PCSK2: variants seen among roughly 807,000 people sequenced by gnomAD.
The protein encoded by PCSK2 is proprotein convertase subtilisin/kexin type 2.
Under a neutral mutation model 69.7 loss-of-function variants are expected in PCSK2, and 14 were observed. That is an observed-to-expected ratio of 0.20 (90% CI 0.13 to 0.31). The LOEUF is 0.31. Ranked by LOEUF, PCSK2 falls within the 10% of genes least tolerant of loss-of-function variation. The probability of loss-of-function intolerance (pLI) is 1.00; values close to 1 mark genes in which losing one functional copy is unlikely to be tolerated. For missense variants in PCSK2, 544 were observed against 842.5 expected (o/e 0.65, Z 4.39); for synonymous variants, 307 against 320.7 (o/e 0.96, Z 0.46).
At chr20:17,255,362 G>C (rs923270436) in intron 1 of PCSK2, among the ~76,000 whole-genome samples, 3 of 148,088 alleles carry the variant, frequency 2.0e-5, no homozygotes, top group Non-Finnish European at 4.4e-5. Context: ...TTTTTTTTGA[G>C]ACGGAGTCTC....
chr20:17,242,847 A>G (rs1366796798), intron 1 of PCSK2, among the ~76,000 whole-genome samples: 1 of 152,190 alleles, frequency 6.6e-6, no homozygotes, highest in Admixed American at 6.5e-5. Flanking sequence ...TAGTGAAATC[A>G]TATTTACTTT....
chr20:17,321,365 C>T (rs1328647634), intron 2 of PCSK2, among the ~76,000 whole-genome samples: 1 of 152,210 alleles, frequency 6.6e-6, no homozygotes, highest in Non-Finnish European at 1.5e-5. Flanking sequence ...TGTTGTCCTC[C>T]TTCTTCCCCA....
chr20:17,234,947 G>A (rs925006628), intron 1 of PCSK2, among the ~76,000 whole-genome samples: 86 of 151,996 alleles, frequency 5.7e-4, no homozygotes, highest in African/African-American at 2.0e-3. Flanking sequence ...TCACGGGACA[G>A]CTCAAAAACT....
At chr20:17,311,448 T>C (rs1237497026) in intron 2 of PCSK2, among the ~76,000 whole-genome samples, 2 of 152,102 alleles carry the variant, frequency 1.3e-5, no homozygotes, top group Admixed American at 6.6e-5. Context: ...GGGCAGGTGG[T>C]GGTATCACCT....
At chr20:17,339,841 T>G (rs749730877) in intron 2 of PCSK2, among the ~76,000 whole-genome samples, 13 of 152,234 alleles carry the variant, frequency 8.5e-5, no homozygotes, top group Admixed American at 2.0e-4. Flanking sequence ...GCCTCCTAAC[T>G]ATGCATAGAC....
chr20:17,230,785 T>C (rs1287177550), intron 1 of PCSK2, among the ~76,000 whole-genome samples: 2 of 152,246 alleles, frequency 1.3e-5, no homozygotes, highest in Non-Finnish European at 2.9e-5. Context: ...TTGTCAATTA[T>C]TTGATTGATT....
chr20:17,365,417 T>A (rs751127070), intron 4 of PCSK2, among the ~76,000 whole-genome samples: 23 of 151,974 alleles, frequency 1.5e-4, no homozygotes, highest in Non-Finnish European at 7.4e-5. Context: ...ACACAAACAC[T>A]CAAATCTCAG....
intron 2 of PCSK2, among the ~76,000 whole-genome samples, chr20:17,309,075 G>T (rs754261977): frequency 3.8e-4 from 58 of 152,320 alleles, no homozygotes; most frequent in Admixed American, 1.2e-3. Context: ...GAGCAGTGGA[G>T]TATTGTGGCC....
intron 1 of PCSK2, among the ~76,000 whole-genome samples, chr20:17,250,074 C>G (rs750501885): frequency 2.0e-5 from 3 of 152,010 alleles, no homozygotes; most frequent in Non-Finnish European, 4.4e-5. Flanking sequence ...ATTCAGCTTC[C>G]CCAAAATTAA....
At chr20:17,230,493 T>A (rs1411746864) in intron 1 of PCSK2, among the ~76,000 whole-genome samples, 1 of 152,212 alleles carries the variant, frequency 6.6e-6, no homozygotes, top group Non-Finnish European at 1.5e-5. Flanking sequence ...TGAAAAATAA[T>A]TGCTTTTCTA....
At chr20:17,412,447 T>C (rs2031897101) in intron 6 of PCSK2, among the ~76,000 whole-genome samples, 1 of 152,078 alleles carries the variant, frequency 6.6e-6, no homozygotes, top group African/African-American at 2.4e-5. Flanking sequence ...GAAGATCAAA[T>C]TAATGAAATA....
intron 2 of PCSK2, among the ~76,000 whole-genome samples, chr20:17,332,206 C>A (rs1345218678): frequency 1.3e-5 from 2 of 152,146 alleles, no homozygotes; most frequent in Admixed American, 6.6e-5. Context: ...TTTGGCTGAT[C>A]TAGGGTGGAC....
chr20:17,417,512 A>G (rs2032026712), intron 6 of PCSK2, among the ~76,000 whole-genome samples: 1 of 152,214 alleles, frequency 6.6e-6, no homozygotes, highest in South Asian at 2.1e-4. Context: ...GCTTGTTATT[A>G]CAAAGACTGG....
In PCSK2 at chr20:17,455,734, G is replaced by A. The variant is rs140672889; in HGVS notation, c.1102-614G>A. Among the ~76,000 whole-genome samples, 96 of 152,290 alleles carry A rather than the reference G, an allele frequency of 6.3e-4. No homozygotes were observed. The East Asian group carries it at 0.014, about 23-fold the overall frequency. ...TCATAATGTTTCCTTTTAGGTTTCA[G>A]GAAATAAATCTCTCTGTAGTCTCTG... On this transcript the variant is annotated intron_variant, in intron 9 of 11. Coordinates refer to ENST00000262545, the MANE Select transcript of PCSK2 (RefSeq NM_002594.5).
rs1609655 is a variant in PCSK2 at position 17,239,026 on chromosome 20, C to G, written c.177+11544C>G. The stretch of plus-strand genomic sequence containing the variant: ...TCATGAGATGGTGCAATCAGGAAAA[C>G]CAAGTATGCTAGGAAGGGTTATAGG... On this transcript the variant is annotated intron_variant, in intron 1 of 11. Transcript: ENST00000262545. Among the ~76,000 whole-genome samples, 1,128 of 152,270 alleles carry G rather than the reference C, an allele frequency of 7.4e-3. 3 individuals carry two copies. Among genetic ancestry groups the G allele is most frequent in the East Asian group, 0.016 (84 of 5,190 alleles).
At chr20:17,365,959 C>T (rs1003620165) in intron 4 of PCSK2, among the ~76,000 whole-genome samples, 2 of 152,180 alleles carry the variant, frequency 1.3e-5, no homozygotes, top group Non-Finnish European at 1.5e-5. Flanking sequence ...GCCATTCTCC[C>T]ACACTGGAAT....
intron 2 of PCSK2, among the ~76,000 whole-genome samples, chr20:17,338,749 G>A (rs1212466402): frequency 6.6e-6 from 1 of 152,002 alleles, no homozygotes; most frequent in Non-Finnish European, 1.5e-5. Context: ...GATGAGACAG[G>A]ACTGGGACCT....
intron 1 of PCSK2, among the ~76,000 whole-genome samples, chr20:17,258,484 A>G (rs550499713): frequency 1.3e-5 from 2 of 152,334 alleles, no homozygotes; most frequent in Admixed American, 1.3e-4. Context: ...GAATGTAAAA[A>G]AAAATGGAAG....
intron 5 of PCSK2, among the ~76,000 whole-genome samples, chr20:17,391,906 GAGGAAGGAAGGA>G (rs145258467): frequency 4.5e-4 from 45 of 100,010 alleles, no homozygotes; most frequent in Non-Finnish European, 6.4e-4. Flanking sequence ...GAAAGAGAGA[GAGGAAGGAAGGA>G]AGGAAGGAAG....
Sources: gnomAD v4.1 joint callset for allele counts (sites outside exome capture counted in the v4.1 genomes callset) on GRCh38, gnomAD v4.1.1 for gene constraint, MANE v1.5 for transcripts, NCBI Gene and HGNC (gene_info 2026-07-23, HGNC 2026-07-21) for gene names.